GUCY1A2: variants seen among roughly 807,000 people sequenced by gnomAD.
The protein encoded by GUCY1A2 is guanylate cyclase 1 soluble subunit alpha 2, also known as guanylate cyclase soluble subunit alpha-2.
A neutral mutation model predicts 63.5 loss-of-function variants in GUCY1A2; 27 were observed. That is an observed-to-expected ratio of 0.43 (90% confidence interval 0.31 to 0.59). The LOEUF is 0.59. Ranked by LOEUF, GUCY1A2 falls within the 20% of genes least tolerant of loss-of-function variation. GUCY1A2 has a pLI of 0.11. For synonymous variants in GUCY1A2, 364 were observed against 343.5 expected, an observed-to-expected ratio of 1.06 and a Z score of -0.66; for missense variants, 768 against 913.3, an observed-to-expected ratio of 0.84 and a Z score of 2.05.
At chr11:106,819,250 GACA>G (rs1270085574) in intron 4 of GUCY1A2, among the ~76,000 whole-genome samples, 1 of 152,154 alleles carries the variant, frequency 6.6e-6, no homozygotes, top group Non-Finnish European at 1.5e-5. Context: ...CTGTTGAAAT[GACA>G]ACAAAAGATT....
chr11:106,754,095 G>T (rs959238073), intron 6 of GUCY1A2, among the ~76,000 whole-genome samples: 39 of 152,102 alleles, frequency 2.6e-4, no homozygotes, highest in Non-Finnish European at 4.6e-4. Context: ...GGATTCCCAG[G>T]TATTTTATTC....
intron 1 of GUCY1A2, among the ~76,000 whole-genome samples, chr11:107,011,612 T>A (rs1005067592): frequency 1.1e-4 from 16 of 146,302 alleles, no homozygotes; most frequent in Non-Finnish European, 2.2e-4. Context: ...TTAATATATA[T>A]AAAAAGGAGT....
intron 3 of GUCY1A2, among the ~76,000 whole-genome samples, chr11:106,941,204 GT>G (rs930641249): frequency 1.8e-4 from 27 of 152,176 alleles, no homozygotes; most frequent in African/African-American, 6.5e-4. Context: ...TTATTGTTAA[GT>G]TTTCTCCATA....
At chr11:106,890,749 A>G (rs1382540751) in intron 4 of GUCY1A2, among the ~76,000 whole-genome samples, 2 of 152,220 alleles carry the variant, frequency 1.3e-5, no homozygotes, top group Non-Finnish European at 2.9e-5. Flanking sequence ...TGCAGAAAAT[A>G]TCATTTAAAA....
At chr11:106,761,822 A>G (rs967023319) in intron 6 of GUCY1A2, among the ~76,000 whole-genome samples, 5 of 152,134 alleles carry the variant, frequency 3.3e-5, no homozygotes, top group African/African-American at 1.2e-4. Context: ...GGCCTTCTTA[A>G]CCACAAAGTA....
At chr11:106,740,692 A>AG (rs1428608910) in intron 6 of GUCY1A2, among the ~76,000 whole-genome samples, 3 of 151,562 alleles carry the variant, frequency 2.0e-5, no homozygotes, top group African/African-American at 7.3e-5. Context: ...GTATGTATTT[A>AG]GAGACAGAGT....
chr11:106,755,588 C>T (rs1248888125), intron 6 of GUCY1A2, among the ~76,000 whole-genome samples: 1 of 152,114 alleles, frequency 6.6e-6, no homozygotes, highest in Non-Finnish European at 1.5e-5. Flanking sequence ...TTATTTCTGC[C>T]TTCATTTCGT....
chr11:106,954,976 C>CT (rs142036009), intron 3 of GUCY1A2, among the ~76,000 whole-genome samples: 26,317 of 144,880 alleles, frequency 0.18, 2,355 homozygotes, highest in South Asian at 0.28. Context: ...CAGTCTGTGT[C>CT]TTTTTTTTTT....
At chr11:106,959,326 G>A (rs770160130) in intron 3 of GUCY1A2, among the ~76,000 whole-genome samples, 3 of 152,120 alleles carry the variant, frequency 2.0e-5, no homozygotes, top group African/African-American at 7.2e-5. Flanking sequence ...TTTGGTGAAA[G>A]GATTATGCTC....
chr11:106,870,535 T>TTTG (rs1035875762), intron 4 of GUCY1A2, among the ~76,000 whole-genome samples: 5 of 152,206 alleles, frequency 3.3e-5, no homozygotes, highest in Middle Eastern at 3.4e-3. Context: ...TTTGTATGTT[T>TTTG]TTGTTGTTGT....
At chr11:106,712,449 A>G (rs536144755) in intron 6 of GUCY1A2, among the ~76,000 whole-genome samples, 2 of 152,230 alleles carry the variant, frequency 1.3e-5, no homozygotes, top group East Asian at 3.9e-4. Context: ...TGCTAATTCT[A>G]AGATCTGTTT....
intron 4 of GUCY1A2, among the ~76,000 whole-genome samples, chr11:106,888,357 CA>C (rs1859928085): frequency 6.6e-6 from 1 of 151,554 alleles, no homozygotes; most frequent in Admixed American, 6.6e-5. Flanking sequence ...CCCAGCTACT[CA>C]GGAGGCTGAG....
chr11:106,977,783 C>T (rs184466074), intron 3 of GUCY1A2, among the ~76,000 whole-genome samples: 112 of 152,224 alleles, frequency 7.4e-4, no homozygotes, highest in South Asian at 6.4e-3. Context: ...TGTGTGGAGT[C>T]GCTCACTAAG....
intron 4 of GUCY1A2, chr11:106,826,637 C>A (rs1387681338): frequency 6.2e-7 from 1 of 1,606,734 alleles, no homozygotes. Flanking sequence ...CCCAGCAGTA[C>A]AACCTTATAG....
At chr11:107,017,364 T>C (rs940667040) in intron 1 of GUCY1A2, among the ~76,000 whole-genome samples, 23 of 152,056 alleles carry the variant, frequency 1.5e-4, no homozygotes, top group African/African-American at 5.1e-4. Flanking sequence ...GAGAACAGGA[T>C]GAAAGACAGG....
intron 4 of GUCY1A2, among the ~76,000 whole-genome samples, chr11:106,909,305 T>G (rs150358095): frequency 6.6e-6 from 1 of 151,262 alleles, no homozygotes; most frequent in African/African-American, 2.4e-5. Flanking sequence ...GGAAACAATA[T>G]TGACATTGAT....
At chr11:106,698,334 A>T (rs1458054373) in intron 7 of GUCY1A2, among the ~76,000 whole-genome samples, 1 of 150,618 alleles carries the variant, frequency 6.6e-6, no homozygotes, top group Non-Finnish European at 1.5e-5. Context: ...TGTTGCCCAG[A>T]CTGGTCTCAA....
intron 4 of GUCY1A2, among the ~76,000 whole-genome samples, chr11:106,822,403 G>T (rs936457015): frequency 6.6e-6 from 1 of 152,012 alleles, no homozygotes; most frequent in African/African-American, 2.4e-5. Context: ...ACATGTGCAG[G>T]TTTGTTACAT....
At chr11:106,697,218 A>G (rs1056923973) in intron 7 of GUCY1A2, among the ~76,000 whole-genome samples, 7 of 152,230 alleles carry the variant, frequency 4.6e-5, no homozygotes, top group African/African-American at 1.4e-4. Context: ...AGCAATTTTG[A>G]TTTAGTAATA....
Sources: allele counts gnomAD v4.1 joint callset (sites outside exome capture counted in the v4.1 genomes callset), GRCh38; gene constraint gnomAD v4.1.1; transcripts MANE v1.5; gene names NCBI Gene and HGNC (gene_info 2026-07-23, HGNC 2026-07-21).